Variants in APBB2 observed in about 807,000 individuals in gnomAD.
APBB2 encodes the protein amyloid beta precursor protein binding family B member 2, also known as Fe65-like 1.
In APBB2, 38 loss-of-function variants were observed where a neutral mutation model predicts 82.5. That is an observed-to-expected ratio of 0.46 (90% CI 0.36 to 0.60). APBB2 has a LOEUF of 0.60. Ranked by LOEUF, APBB2 falls within the 20% of genes least tolerant of loss-of-function variation. The pLI is 0.00. For missense variants in APBB2, 772 were observed against 972.3 expected (o/e 0.79, Z 2.74); for synonymous variants, 341 against 368.2 (o/e 0.93, Z 0.85).
At chr4:40,897,962 A>G (rs752737528) in intron 10 of APBB2, among the ~76,000 whole-genome samples, 2 of 152,208 alleles carry the variant, frequency 1.3e-5, no homozygotes, top group East Asian at 1.9e-4. Flanking sequence ...ATCAACATAT[A>G]CACTTTGACT....
chr4:41,021,626 G>C (rs1322392425), intron 5 of APBB2, among the ~76,000 whole-genome samples: 1 of 152,150 alleles, frequency 6.6e-6, no homozygotes, highest in African/African-American at 2.4e-5. Context: ...CTGTAAAATG[G>C]TCCGTTCAGT....
intron 10 of APBB2, among the ~76,000 whole-genome samples, chr4:40,903,230 GCC>G (rs756385754): frequency 1.6e-5 from 2 of 121,392 alleles, no homozygotes; most frequent in African/African-American, 7.7e-5. Context: ...GGAGGCCAAG[GCC>G]GGTGGATCAC....
rs114965796 is a variant in APBB2, at chr4:40,904,845, G to A, written c.1255-11434C>T. On this transcript the variant is annotated intron_variant, in intron 10 of 17. Transcript: ENST00000508593. ...CTGATTCATTATTCAGCATGGCAGA[G>A]ACCACGGTGGCCAGGGAGGACCCAG... Among the ~76,000 whole-genome samples the A allele has an allele frequency of 5.3e-3, 804 of 152,182 alleles. 5 individuals are homozygous for A. Among genetic ancestry groups the A allele is most frequent in the African/African-American group, 0.013 (529 of 41,512 alleles).
chr4:41,057,476 C>T (rs1728234135), intron 4 of APBB2, among the ~76,000 whole-genome samples: 1 of 152,102 alleles, frequency 6.6e-6, no homozygotes, highest in South Asian at 2.1e-4. Context: ...ATACAATGTT[C>T]AATAGTATAT....
At position 40,871,147 on chromosome 4, in the gene APBB2, G is replaced by A. The variant is rs148180242; in HGVS notation, c.1529+19217C>T. Among the ~76,000 whole-genome samples, 316 of 151,518 alleles carry A rather than the reference G, an allele frequency of 2.1e-3. 2 individuals are homozygous for A. Among genetic ancestry groups the A allele is most frequent in the Middle Eastern group, 6.8e-3 (2 of 294 alleles). ...GTGAAGACCCTACTACCCCGCACCC[G>A]TTTATTTTTTTTGAGACAGAGTCTC... On this transcript the variant is annotated intron_variant, in intron 12 of 17. Coordinates refer to ENST00000508593, the MANE Select transcript of APBB2 (RefSeq NM_004307.2).
chr4:40,901,939 G>A (rs564708704), intron 10 of APBB2, among the ~76,000 whole-genome samples: 20 of 151,278 alleles, frequency 1.3e-4, no homozygotes, highest in African/African-American at 4.9e-4. Flanking sequence ...GTGTGTGTGT[G>A]TGTGATGGAA....
At chr4:40,827,094 C>T in intron 14 of APBB2, 38 bp downstream of exon 14, 2 of 1,583,722 alleles carry the variant, frequency 1.3e-6, no homozygotes, top group Non-Finnish European at 1.7e-6. Flanking sequence ...CCAGGAGGGA[C>T]AGGGCCATAA....
At chr4:40,817,370 C>A (rs7699947) in intron 17 of APBB2, among the ~76,000 whole-genome samples, 1 of 152,046 alleles carries the variant, frequency 6.6e-6, no homozygotes, top group Admixed American at 6.6e-5. Context: ...AGCATGGCCA[C>A]TGCACTCCAG....
chr4:40,937,459 C>T (rs1047374693), intron 7 of APBB2, among the ~76,000 whole-genome samples: 2 of 152,202 alleles, frequency 1.3e-5, no homozygotes, highest in African/African-American at 4.8e-5. Context: ...AGTATTAAGA[C>T]TGTCAGAATC....
At chr4:41,099,813 C>T (rs868833430) in intron 3 of APBB2, among the ~76,000 whole-genome samples, 12 of 151,932 alleles carry the variant, frequency 7.9e-5, no homozygotes, top group Admixed American at 4.6e-4. Context: ...AAGAACAATT[C>T]CTATTGTCGA....
chr4:41,110,302 CCT>C (rs1460206763), intron 2 of APBB2, among the ~76,000 whole-genome samples: 1 of 152,088 alleles, frequency 6.6e-6, no homozygotes, highest in African/African-American at 2.4e-5. Flanking sequence ...GTTGTCGTAC[CCT>C]GTTAAAAAAT....
intron 7 of APBB2, among the ~76,000 whole-genome samples, chr4:40,936,887 A>G (rs1357649733): frequency 6.6e-6 from 1 of 152,116 alleles, no homozygotes; most frequent in African/African-American, 2.4e-5. Flanking sequence ...AACCCCTGAA[A>G]TGGGTGCGGG....
At position 41,133,725 on chromosome 4, in the gene APBB2, T is replaced by C. The variant is rs146426086; in HGVS notation, c.-261+9262A>G. Among the ~76,000 whole-genome samples the C allele has an allele frequency of 3.3e-5, 5 of 152,288 alleles. No individual in the cohort carries two copies. In the East Asian group the frequency reaches 9.6e-4, roughly 29 times the overall value. ...GATTGACCAGAGTCTCAAACCATCATAGAGGTAAACACCTTGGTCCCTCTC... is the reference window on the plus strand; with the variant it reads ...GATTGACCAGAGTCTCAAACCATCACAGAGGTAAACACCTTGGTCCCTCTC... On this transcript the variant is annotated intron_variant, in intron 2 of 17. Coordinates refer to ENST00000508593, the MANE Select transcript of APBB2 (RefSeq NM_004307.2).
chr4:40,992,173 T>G (rs1036082810), intron 6 of APBB2, among the ~76,000 whole-genome samples: 8 of 151,600 alleles, frequency 5.3e-5, no homozygotes, highest in Non-Finnish European at 1.0e-4. Flanking sequence ...GCCTTTTTTG[T>G]TTGTTGCTTG....
chr4:40,907,419 T>C, intron 10 of APBB2, among the ~76,000 whole-genome samples: 1 of 136,802 alleles, frequency 7.3e-6, no homozygotes, highest in Non-Finnish European at 1.5e-5. Flanking sequence ...TCTCACTCTG[T>C]CACCCAGGCT....
At chr4:40,976,759 T>C (rs979679344) in intron 6 of APBB2, among the ~76,000 whole-genome samples, 3 of 152,074 alleles carry the variant, frequency 2.0e-5, no homozygotes, top group African/African-American at 4.8e-5. Context: ...TTTATTCAGA[T>C]GGGGCAAGGT....
intron 2 of APBB2, among the ~76,000 whole-genome samples, chr4:41,124,108 T>G (rs1294859843): frequency 6.6e-6 from 1 of 152,282 alleles, no homozygotes; most frequent in African/African-American, 2.4e-5. Flanking sequence ...TGAACACAGC[T>G]GTGTTCCAAT....
At chr4:40,907,760 C>T (rs373603381) in intron 10 of APBB2, among the ~76,000 whole-genome samples, 2 of 147,104 alleles carry the variant, frequency 1.4e-5, no homozygotes, top group African/African-American at 5.0e-5. Flanking sequence ...CTGCAGCCTT[C>T]ACCTTTTGGG....
chr4:41,154,254 G>A (rs1030978665), intron 1 of APBB2, among the ~76,000 whole-genome samples: 1 of 152,080 alleles, frequency 6.6e-6, no homozygotes, highest in Admixed American at 6.6e-5. Context: ...GCTTCTAATA[G>A]GAAAAATGAC....
Sources: allele counts gnomAD v4.1 joint callset (sites outside exome capture counted in the v4.1 genomes callset), GRCh38; gene constraint gnomAD v4.1.1; transcripts MANE v1.5; gene names NCBI Gene and HGNC (gene_info 2026-07-23, HGNC 2026-07-21).